Variants in SLC38A12 observed in about 807,000 individuals in gnomAD.
SLC38A12 encodes solute carrier family 38 member 12, also known as putative sodium-coupled neutral amino acid transporter 12.
the SLC38A12 span, among the ~76,000 whole-genome samples, chr17:74,787,234 C>G: frequency 1.3e-5 from 2 of 152,160 alleles, no homozygotes; most frequent in Non-Finnish European, 2.9e-5. Context: ...CTCCTGCCAC[C>G]TGACGTCAGG....
At chr17:74,824,864 C>T in the SLC38A12 span, among the ~76,000 whole-genome samples, 2 of 152,172 alleles carry the variant, frequency 1.3e-5, no homozygotes, top group East Asian at 1.9e-4. Flanking sequence ...TTTTCCAAGC[C>T]GACAGGGAGA....
At chr17:74,838,883 G>T in the SLC38A12 span, 2 of 1,534,962 alleles carry the variant, frequency 1.3e-6, no homozygotes, top group Non-Finnish European at 1.7e-6. Context: ...TTTCCATTTT[G>T]CAGATGGGCC....
chr17:74,799,470 A>T, the SLC38A12 span, among the ~76,000 whole-genome samples: 1 of 152,196 alleles, frequency 6.6e-6, no homozygotes, highest in Non-Finnish European at 1.5e-5. Context: ...CCTCCGGGGC[A>T]CAGGTGACTC....
At chr17:74,822,560 T>TCA in the SLC38A12 span, among the ~76,000 whole-genome samples, 1 of 152,180 alleles carries the variant, frequency 6.6e-6, no homozygotes, top group African/African-American at 2.4e-5. Context: ...CAAGAGATAA[T>TCA]CAAATGTCAG....
chr17:74,790,880 A>G, the SLC38A12 span: 3 of 1,341,930 alleles, frequency 2.2e-6, no homozygotes, highest in Middle Eastern at 1.8e-4. Flanking sequence ...TAGATAATTC[A>G]GTGAGGTCCT....
chr17:74,836,015 C>T, the SLC38A12 span: 3 of 1,611,780 alleles, frequency 1.9e-6, no homozygotes, highest in South Asian at 3.3e-5. This position sits in a 1 kb window ranked among gnomAD's most constrained non-coding sequence, Gnocchi z 4.2. Flanking sequence ...TCTCGGGGGT[C>T]CGGAACCTGT....
chr17:74,818,561 G>T, the SLC38A12 span, among the ~76,000 whole-genome samples: 5 of 152,258 alleles, frequency 3.3e-5, no homozygotes, highest in South Asian at 1.0e-3. Flanking sequence ...CCTTCTGCGG[G>T]GCTCCTACCT....
the SLC38A12 span, among the ~76,000 whole-genome samples, chr17:74,789,799 C>G: frequency 2.9e-5 from 4 of 138,312 alleles, no homozygotes; most frequent in Admixed American, 7.6e-5. Context: ...GAGTTGAGAT[C>G]ACACCATTGC....
At chr17:74,821,672 G>T in the SLC38A12 span, among the ~76,000 whole-genome samples, 1 of 152,208 alleles carries the variant, frequency 6.6e-6, no homozygotes, top group South Asian at 2.1e-4. Context: ...AAGACCTGGT[G>T]GTCTCAGAAG....
the SLC38A12 span, chr17:74,785,452 G>A: frequency 1.2e-3 from 1,864 of 1,601,958 alleles, 5 homozygotes; most frequent in South Asian, 2.4e-3. Context: ...ATTAAGTTCC[G>A]GGCTTGAATG....
the SLC38A12 span, among the ~76,000 whole-genome samples, chr17:74,815,922 G>A: frequency 6.6e-6 from 1 of 152,122 alleles, no homozygotes. Flanking sequence ...GTACTTCCGG[G>A]TCCTCAGCAA....
At chr17:74,831,646 A>G in the SLC38A12 span, among the ~76,000 whole-genome samples, 4 of 152,100 alleles carry the variant, frequency 2.6e-5, no homozygotes, top group Non-Finnish European at 4.4e-5. Context: ...GTGGATGTGG[A>G]TGCGGATGTT....
the SLC38A12 span, chr17:74,836,667 C>T: frequency 6.2e-7 from 1 of 1,602,850 alleles, no homozygotes; most frequent in Non-Finnish European, 8.5e-7. This position sits in a 1 kb window ranked among gnomAD's most constrained non-coding sequence, Gnocchi z 4.2. Flanking sequence ...CAATATCATC[C>T]TCAGCGAGAC....
At chr17:74,795,177 A>T in the SLC38A12 span, 1 of 1,352,236 alleles carries the variant, frequency 7.4e-7, no homozygotes. Context: ...GTCAGGGCAG[A>T]GTGTCCAGGG....
the SLC38A12 span, among the ~76,000 whole-genome samples, chr17:74,782,707 C>T: frequency 2.6e-5 from 4 of 152,326 alleles, no homozygotes; most frequent in African/African-American, 7.2e-5. Context: ...CAAAATTATT[C>T]TAGCAGCACC....
chr17:74,834,107 G>A, the SLC38A12 span, among the ~76,000 whole-genome samples: 1 of 152,012 alleles, frequency 6.6e-6, no homozygotes, highest in Non-Finnish European at 1.5e-5. Context: ...AGGCACAGCT[G>A]TGCACACCCC....
At chr17:74,794,332 C>T in the SLC38A12 span, among the ~76,000 whole-genome samples, 1 of 152,186 alleles carries the variant, frequency 6.6e-6, no homozygotes, top group East Asian at 1.9e-4. Context: ...CAAACGTCAC[C>T]TCTGCAGCAG....
At chr17:74,788,944 A>G in the SLC38A12 span, 31 of 1,379,374 alleles carry the variant, frequency 2.2e-5, no homozygotes, top group Admixed American at 4.1e-5. Flanking sequence ...TCAGCAGCCC[A>G]TTCTTTTCCT....
the SLC38A12 span, chr17:74,790,315 G>A: frequency 5.5e-5 from 88 of 1,609,362 alleles, 1 homozygote; most frequent in Non-Finnish European, 6.9e-5. Flanking sequence ...TGGGGTTCTC[G>A]CGGGCCCGCA....
Sources: gnomAD v4.1 joint callset for allele counts (sites outside exome capture counted in the v4.1 genomes callset) on GRCh38, gnomAD v4.1.1 for gene constraint, Gnocchi (gnomAD v3.1) non-coding constraint, MANE v1.5 for transcripts, NCBI Gene and HGNC (gene_info 2026-07-23, HGNC 2026-07-21) for gene names.